RIMBP2: variants seen among roughly 807,000 people sequenced by gnomAD.
RIMBP2 encodes the protein RIMS-binding protein 2.
A neutral mutation model predicts 118.6 loss-of-function variants in RIMBP2; 48 were observed. That is an observed-to-expected ratio of 0.40 (90% CI 0.32 to 0.51). The LOEUF is 0.51. RIMBP2 is among the 20% of genes least tolerant of loss of function. The pLI is 0.41. For synonymous variants in RIMBP2, 762 were observed against 742.9 expected, an observed-to-expected ratio of 1.03 and a Z score of -0.42; for missense variants, 1,551 against 1,768.3, an observed-to-expected ratio of 0.88 and a Z score of 2.20.
At chr12:130,667,898 C>A (rs1042536204) in intron 1 of RIMBP2, 1 of 152,174 alleles carries the variant, frequency 6.6e-6, no homozygotes, top group Non-Finnish European at 1.5e-5. Context: ...ACATTTGGGA[C>A]CCTCCCTCAG....
At chr12:130,397,588 C>T (rs755327813) in intron 22 of RIMBP2, 39 bp from the exon 23 acceptor site, 8 of 398,566 alleles carry the variant, frequency 2.0e-5, no homozygotes, top group African/African-American at 4.1e-5. Context: ...AGTGTGTGAG[C>T]GCCAACAACA....
chr12:130,438,335 A>ACCGGGG, intron 12 of RIMBP2, 30 bp downstream of exon 12: 1 of 865,012 alleles, frequency 1.2e-6, no homozygotes, highest in Non-Finnish European at 1.9e-6. Flanking sequence ...GGCCTAACAA[A>ACCGGGG]CCCTCCCCAC....
At chr12:130,476,508 T>G (rs986913694) in intron 5 of RIMBP2, among the ~76,000 whole-genome samples, 1 of 152,108 alleles carries the variant, frequency 6.6e-6, no homozygotes, top group Non-Finnish European at 1.5e-5. Context: ...AGGCCCAAAT[T>G]CAACCCCTGT....
rs1021813461 is a variant in RIMBP2, at chr12:130,447,788, G to A, written c.581+2412C>T. 2.6e-5 allele frequency among the ~76,000 whole-genome samples: 4 copies of A among 152,180 alleles called. No homozygotes were observed. Among genetic ancestry groups the A allele is most frequent in the African/African-American group, 9.7e-5 (4 of 41,448 alleles). On this transcript the variant is annotated intron_variant, in intron 9 of 22. Transcript: ENST00000690449. This position sits in a 1 kb window ranked among gnomAD's most constrained non-coding sequence, Gnocchi z 4.4. ...CCTCAGCAAGGCGTTCCCCACGGCG[G>A]AGGCTGCACCAGATGGAAGGGAGGA...
chr12:130,548,326 T>C (rs2055374978), intron 2 of RIMBP2, among the ~76,000 whole-genome samples: 2 of 152,202 alleles, frequency 1.3e-5, no homozygotes, highest in Admixed American at 1.3e-4. Context: ...ATTTCTGGAA[T>C]GGTCTCCAAG....
chr12:130,423,318 C>T (rs534434799), intron 16 of RIMBP2, among the ~76,000 whole-genome samples: 14 of 152,280 alleles, frequency 9.2e-5, no homozygotes, highest in South Asian at 4.2e-4. Flanking sequence ...GGGGAGGCTG[C>T]GGGCTGCCGT....
At chr12:130,661,378 G>A (rs7978076) in intron 1 of RIMBP2, among the ~76,000 whole-genome samples, 82,050 of 151,604 alleles carry the variant, frequency 0.54, 22,794 homozygotes, top group Non-Finnish European at 0.62. Flanking sequence ...CCTCAGCATT[G>A]TTGTGGGAGT....
intron 4 of RIMBP2, among the ~76,000 whole-genome samples, chr12:130,486,210 C>T (rs937719591): frequency 1.3e-5 from 2 of 152,160 alleles, no homozygotes; most frequent in East Asian, 1.9e-4. Flanking sequence ...CCCATGGCCA[C>T]TTTCGTGCCC....
chr12:130,486,272 GACAT>G (rs767075322), intron 4 of RIMBP2, among the ~76,000 whole-genome samples: 5 of 152,132 alleles, frequency 3.3e-5, no homozygotes, highest in Non-Finnish European at 5.9e-5. Flanking sequence ...GCTCCTCCTG[GACAT>G]GCCCTGGACT....
Position 130,422,606 on chromosome 12 carries a change from G to T in RIMBP2, c.3130-45C>A. ...AAAGTCGTAAGTCTCGCCAGCATTG[G>T]GAACTGAAGAATTCAGTTAGCCAAA... On this transcript the variant is annotated intron_variant, in intron 16 of 22. Transcript: ENST00000690449. The surrounding 1 kb of genome is among the most constrained non-coding windows in gnomAD (Gnocchi z 5.2). 1 of 1,370,566 alleles carries T rather than the reference G, an allele frequency of 7.3e-7. No homozygotes were observed. Among genetic ancestry groups the T allele is most frequent in the Non-Finnish European group, 1.0e-6 (1 of 982,202 alleles). The allele number at this position is 1,370,566 out of a possible 1,614,324, so 84.9% of individuals were successfully genotyped here.
At chr12:130,587,848 A>G (rs1463723601) in intron 2 of RIMBP2, among the ~76,000 whole-genome samples, 1 of 151,210 alleles carries the variant, frequency 6.6e-6, no homozygotes, top group Admixed American at 6.6e-5. Flanking sequence ...AAAAAGAAAA[A>G]AAAAAGAAGA....
intron 2 of RIMBP2, among the ~76,000 whole-genome samples, chr12:130,592,152 ATATGCTGGT>A (rs1194862014): frequency 6.6e-6 from 1 of 152,188 alleles, no homozygotes; most frequent in African/African-American, 2.4e-5. Flanking sequence ...AGCACATGCC[ATATGCTGGT>A]TATGCTGGTT....
chr12:130,598,146 A>G (rs1184506577), intron 2 of RIMBP2, among the ~76,000 whole-genome samples: 1 of 152,272 alleles, frequency 6.6e-6, no homozygotes, highest in Admixed American at 6.5e-5. Context: ...AGCCTTAAAA[A>G]TACAAAATAT....
At chr12:130,602,034 C>T (rs886771566) in intron 2 of RIMBP2, among the ~76,000 whole-genome samples, 9 of 152,124 alleles carry the variant, frequency 5.9e-5, no homozygotes, top group African/African-American at 2.2e-4. Context: ...CACGGTGGCT[C>T]GTGCCTGTAA....
chr12:130,532,936 G>T (rs1279970206), intron 2 of RIMBP2, among the ~76,000 whole-genome samples: 2 of 149,930 alleles, frequency 1.3e-5, no homozygotes, highest in African/African-American at 2.5e-5. Flanking sequence ...GCCTCTAGGA[G>T]GGACGTCTAA....
At chr12:130,713,572 C>A (rs1019651323) in intron 1 of RIMBP2, among the ~76,000 whole-genome samples, 1 of 152,352 alleles carries the variant, frequency 6.6e-6, no homozygotes, top group South Asian at 2.1e-4. Context: ...CTGGAATCAG[C>A]AGCTCTGCTT....
intron 1 of RIMBP2, among the ~76,000 whole-genome samples, chr12:130,705,238 A>C (rs1226234326): frequency 6.6e-6 from 1 of 152,168 alleles, no homozygotes; most frequent in Non-Finnish European, 1.5e-5. Flanking sequence ...TGCACACCCG[A>C]AGCCCAGGAG....
intron 2 of RIMBP2, among the ~76,000 whole-genome samples, chr12:130,553,165 A>G (rs111373264): frequency 1.2e-4 from 18 of 150,094 alleles, no homozygotes; most frequent in Non-Finnish European, 1.0e-4. Flanking sequence ...AAAAAAAAAA[A>G]GAAAAGAAAA....
chr12:130,502,538 C>G (rs1040842171), intron 4 of RIMBP2, among the ~76,000 whole-genome samples: 4 of 152,060 alleles, frequency 2.6e-5, no homozygotes, highest in African/African-American at 9.7e-5. Context: ...CCTCCCTGAA[C>G]ACTGACAGGG....
Sources: gnomAD v4.1 joint callset for allele counts (sites outside exome capture counted in the v4.1 genomes callset) on GRCh38, gnomAD v4.1.1 for gene constraint, Gnocchi (gnomAD v3.1) non-coding constraint, MANE v1.5 for transcripts, NCBI Gene and HGNC (gene_info 2026-07-23, HGNC 2026-07-21) for gene names.